MYO5B: variants seen among roughly 807,000 people sequenced by gnomAD.
MYO5B encodes the protein unconventional myosin-Vb.
A neutral mutation model predicts 229.3 loss-of-function variants in MYO5B; 143 were observed. The ratio of observed to expected loss-of-function variants is 0.62; its 90% CI spans 0.54 to 0.72. The LOEUF (loss-of-function observed/expected upper bound fraction) is 0.72. Among genes scored for constraint, MYO5B ranks in the 30% least tolerant of loss-of-function variants. The probability of loss-of-function intolerance (pLI) is 0.00; values close to 1 mark genes in which losing one functional copy is unlikely to be tolerated. For synonymous variants in MYO5B, 918 were observed against 885.2 expected (o/e 1.04, Z -0.66); for missense variants, 2,321 against 2,331.0 (o/e 1.00, Z 0.09).
intron 12 of MYO5B, among the ~76,000 whole-genome samples, chr18:49,961,032 T>C (rs559658945): frequency 2.6e-5 from 4 of 152,238 alleles, no homozygotes; most frequent in Admixed American, 2.6e-4. Context: ...CGGTTACTGA[T>C]GGGAATCTCA....
At position 49,864,458 on chromosome 18, in the gene MYO5B, CTTCT is replaced by C. The variant is rs202206836; in HGVS notation, c.3604-82_3604-79del. On this transcript the variant is annotated intron_variant, in intron 27 of 39. Coordinates refer to ENST00000285039, the MANE Select transcript of MYO5B (RefSeq NM_001080467.3). ...CCCTGTGTGGGCCTCCCCTCCTCCCCTTCTTTTGTCCACTGGGAAACTTCGCTCT... is the reference window on the plus strand; with the variant it reads ...CCCTGTGTGGGCCTCCCCTCCTCCCCTTTGTCCACTGGGAAACTTCGCTCT... 1.2e-3 allele frequency: 1,831 copies of C among 1,575,400 alleles called. 25 individuals are homozygous for C. In the African/African-American group the frequency reaches 0.023, roughly 19 times the overall value.
chr18:50,161,924 A>G (rs1365910619), intron 1 of MYO5B, among the ~76,000 whole-genome samples: 4 of 152,222 alleles, frequency 2.6e-5, no homozygotes, highest in African/African-American at 9.7e-5. Flanking sequence ...GAAGCTGGGG[A>G]GGCTGAGGAA....
At chr18:50,143,919 G>C (rs887356194) in intron 1 of MYO5B, among the ~76,000 whole-genome samples, 2 of 152,126 alleles carry the variant, frequency 1.3e-5, no homozygotes, top group African/African-American at 4.8e-5. Context: ...CACACCATAT[G>C]CATGGAATAT....
intron 1 of MYO5B, among the ~76,000 whole-genome samples, chr18:50,118,125 C>T (rs1299246897): frequency 1.3e-5 from 2 of 152,182 alleles, no homozygotes; most frequent in Admixed American, 1.3e-4. Flanking sequence ...GATTGCAACT[C>T]AGTAGGATAC....
chr18:50,099,423 G>A (rs752544798), intron 1 of MYO5B, among the ~76,000 whole-genome samples: 3 of 152,176 alleles, frequency 2.0e-5, no homozygotes, highest in Non-Finnish European at 2.9e-5. Context: ...GCAACAGTGG[G>A]ACACACAGTA....
intron 1 of MYO5B, among the ~76,000 whole-genome samples, chr18:50,082,531 G>C (rs1191952884): frequency 6.6e-6 from 1 of 152,156 alleles, no homozygotes; most frequent in Non-Finnish European, 1.5e-5. Context: ...TAAAGCAAAG[G>C]CTATCTGCGG....
chr18:50,194,849 T>C lies in MYO5B; in HGVS notation c.-56A>G. The C allele has an allele frequency of 7.9e-7, 1 of 1,263,550 alleles. No homozygotes were observed. The highest frequency in any genetic ancestry group is 9.9e-7 in the Non-Finnish European group (1 of 1,009,656). 78.3% of individuals were successfully genotyped at this position (1,263,550 alleles called of 1,614,324 possible). A position where few individuals can be genotyped will look rare whatever the true frequency, so the allele number is the denominator to read the frequency against. ...CTCCTGGCTGCCCCGCGGCTCTCAG[T>C]CCGCGGCTGGCCCGCCTGGCGCCAT... On this transcript the variant is annotated 5_prime_UTR_variant, in exon 1 of 40. Transcript: ENST00000285039.
intron 12 of MYO5B, among the ~76,000 whole-genome samples, chr18:49,958,528 C>A (rs1381152446): frequency 1.3e-5 from 2 of 152,178 alleles, no homozygotes; most frequent in Admixed American, 6.5e-5. Context: ...CCACAGCCAT[C>A]CCACCTTTCT....
intron 22 of MYO5B, among the ~76,000 whole-genome samples, chr18:49,891,112 G>A (rs1020502818): frequency 6.6e-6 from 1 of 152,090 alleles, no homozygotes; most frequent in African/African-American, 2.4e-5. Context: ...CCTGCTGTTT[G>A]CCTCCTCACT....
intron 1 of MYO5B, among the ~76,000 whole-genome samples, chr18:50,153,303 A>C (rs758700777): frequency 2.6e-4 from 39 of 152,336 alleles, no homozygotes; most frequent in Non-Finnish European, 5.0e-4. Flanking sequence ...ACTTCAAAAT[A>C]GTGACTTTCA....
intron 22 of MYO5B, among the ~76,000 whole-genome samples, chr18:49,889,576 G>A (rs1185419038): frequency 6.6e-6 from 1 of 152,050 alleles, no homozygotes; most frequent in Non-Finnish European, 1.5e-5. Flanking sequence ...CCTTACCATG[G>A]AGCAAAACTT....
At position 49,865,578 on chromosome 18, in the gene MYO5B, C is replaced by A. The variant is rs551325452; in HGVS notation, c.3604-1198G>T. ...GCTAGAGGAGCACTGGGTGTGGAGG[C>A]AGCCCTGGGTCCCCTCCTGGCTCAA... On this transcript the variant is annotated intron_variant, in intron 27 of 39. Transcript: ENST00000285039. Among the ~76,000 whole-genome samples, 11 of 152,276 alleles carry A rather than the reference C, an allele frequency of 7.2e-5. No homozygotes were observed. In the South Asian group the frequency reaches 2.3e-3, roughly 32 times the overall value.
intron 1 of MYO5B, among the ~76,000 whole-genome samples, chr18:50,092,813 A>T (rs1013285021): frequency 6.6e-6 from 1 of 152,212 alleles, no homozygotes; most frequent in Non-Finnish European, 1.5e-5. Context: ...TGAATTATTG[A>T]ATCATTGAAT....
At chr18:49,838,568 T>C (rs996141644) in intron 36 of MYO5B, among the ~76,000 whole-genome samples, 1 of 152,218 alleles carries the variant, frequency 6.6e-6, no homozygotes, top group East Asian at 1.9e-4. Flanking sequence ...GAAAGCATTA[T>C]GAATAGGTCC....
chr18:49,830,220 C>A (rs770192591), intron 39 of MYO5B, among the ~76,000 whole-genome samples: 40 of 149,942 alleles, frequency 2.7e-4, no homozygotes, highest in Non-Finnish European at 5.2e-4. Flanking sequence ...TAAAAAAAAA[C>A]ACATAAAAAT....
chr18:50,036,745 C>G (rs1404041845), intron 4 of MYO5B, 105 bp downstream of exon 4: 3 of 1,361,530 alleles, frequency 2.2e-6, no homozygotes, highest in Non-Finnish European at 2.1e-6. Context: ...TCCTCAGTCC[C>G]AATCTCACCA....
At chr18:50,107,197 G>GCAACTGC (rs1408132467) in intron 1 of MYO5B, among the ~76,000 whole-genome samples, 37 of 130,882 alleles carry the variant, frequency 2.8e-4, no homozygotes, top group Middle Eastern at 5.1e-3. Context: ...TCAGCTCACT[G>GCAACTGC]CAACTGCCAC....
At chr18:50,000,980 G>A (rs1238659340) in intron 5 of MYO5B, among the ~76,000 whole-genome samples, 2 of 152,232 alleles carry the variant, frequency 1.3e-5, no homozygotes, top group Non-Finnish European at 2.9e-5. Flanking sequence ...CAGAGGTGGA[G>A]GAGGTGGGGA....
At chr18:50,069,720 T>A (rs925425997) in intron 1 of MYO5B, among the ~76,000 whole-genome samples, 2 of 152,048 alleles carry the variant, frequency 1.3e-5, no homozygotes, top group African/African-American at 4.8e-5. Context: ...GACACTGAGA[T>A]CCAGGAAGTT....
Sources: allele counts gnomAD v4.1 joint callset (sites outside exome capture counted in the v4.1 genomes callset), GRCh38; gene constraint gnomAD v4.1.1; transcripts MANE v1.5; gene names NCBI Gene and HGNC (gene_info 2026-07-23, HGNC 2026-07-21).